The following CREB5 variants were observed in gnomAD, a reference collection of about 807,000 sequenced individuals.
The protein encoded by CREB5 is cAMP responsive element binding protein 5, also known as cyclic AMP-responsive element-binding protein 5.
Under a neutral mutation model 57.1 loss-of-function variants are expected in CREB5, and 19 were observed. That is an observed-to-expected ratio of 0.33 (90% CI 0.23 to 0.49). The LOEUF is 0.49. CREB5 is among the 20% of genes least tolerant of loss of function. CREB5 has a pLI of 0.99. For missense variants in CREB5, 579 were observed against 671.6 expected (o/e 0.86, Z 1.52); for synonymous variants, 238 against 238.3 (o/e 1.00, Z 0.01).
intron 1 of CREB5, among the ~76,000 whole-genome samples, chr7:28,319,463 G>A (rs547403797): frequency 6.6e-6 from 1 of 152,182 alleles, no homozygotes; most frequent in African/African-American, 2.4e-5. Context: ...AAGATTCCTA[G>A]TGGAAGTATT....
chr7:28,445,828 G>A (rs375444165), intron 1 of CREB5, among the ~76,000 whole-genome samples: 1 of 152,162 alleles, frequency 6.6e-6, no homozygotes, highest in African/African-American at 2.4e-5. Flanking sequence ...TGGGATTACA[G>A]GCGTGAGCCA....
chr7:28,759,085 T>C (rs1805502640), intron 7 of CREB5, among the ~76,000 whole-genome samples: 1 of 152,178 alleles, frequency 6.6e-6, no homozygotes, highest in East Asian at 1.9e-4. Context: ...ATTCAGGCAA[T>C]GGATACATGT....
chr7:28,348,466 G>A (rs188609824), intron 1 of CREB5, among the ~76,000 whole-genome samples: 4 of 151,516 alleles, frequency 2.6e-5, no homozygotes, highest in African/African-American at 9.8e-5. Flanking sequence ...TGGTAGTGGT[G>A]AGAATTAGAG....
At chr7:28,451,129 G>A (rs556719887) in intron 1 of CREB5, among the ~76,000 whole-genome samples, 1 of 152,324 alleles carries the variant, frequency 6.6e-6, no homozygotes, top group East Asian at 1.9e-4. Context: ...TGTCTATGGA[G>A]TGGGTGTGAG....
In CREB5 at chr7:28,686,496, C is replaced by G. The variant is rs567107974; in HGVS notation, c.465-32257C>G. On this transcript the variant is annotated intron_variant, in intron 5 of 10. Transcript: ENST00000357727. ...AGGAAAAAAGAAAAAAAAAAAAAAG[C>G]AGAGCAAACCAAAGCAACCAGAGCA... Among the ~76,000 whole-genome samples the G allele has an allele frequency of 6.2e-5, 9 of 146,102 alleles. 1 individual carries two copies. The South Asian group carries it at 2.0e-3, about 32-fold the overall frequency.
chr7:28,639,829 G>A (rs866984443), intron 5 of CREB5, among the ~76,000 whole-genome samples: 9 of 152,298 alleles, frequency 5.9e-5, no homozygotes, highest in Middle Eastern at 3.4e-3. Context: ...CAGCAGTGTT[G>A]TAGAGTGAAA....
At chr7:28,357,834 C>A (rs1786377194) in intron 1 of CREB5, among the ~76,000 whole-genome samples, 1 of 152,040 alleles carries the variant, frequency 6.6e-6, no homozygotes, top group Admixed American at 6.5e-5. Flanking sequence ...TTAAGGAATT[C>A]TTGGAAGTGG....
intron 7 of CREB5, among the ~76,000 whole-genome samples, chr7:28,793,355 ATC>A (rs1266194744): frequency 1.3e-5 from 2 of 152,226 alleles, no homozygotes; most frequent in Non-Finnish European, 2.9e-5. Context: ...AACTTACCCT[ATC>A]ATTAGAAAAA....
chr7:28,617,450 T>C (rs1242748099), intron 5 of CREB5, among the ~76,000 whole-genome samples: 1 of 152,212 alleles, frequency 6.6e-6, no homozygotes, highest in East Asian at 1.9e-4. Context: ...GTGGGTGTGT[T>C]CATTATTAAC....
intron 1 of CREB5, among the ~76,000 whole-genome samples, chr7:28,344,079 T>G (rs1785989448): frequency 6.6e-6 from 1 of 152,066 alleles, no homozygotes; most frequent in Non-Finnish European, 1.5e-5. Context: ...GTTGAGTTCA[T>G]TATATGTTCT....
intron 1 of CREB5, among the ~76,000 whole-genome samples, chr7:28,404,189 A>G (rs1787531323): frequency 6.6e-6 from 1 of 152,174 alleles, no homozygotes; most frequent in Admixed American, 6.5e-5. Context: ...AAAGAAAAAG[A>G]ACTATGGGCC....
chr7:28,321,401 G>T (rs1369717813), intron 1 of CREB5, among the ~76,000 whole-genome samples: 4 of 152,058 alleles, frequency 2.6e-5, no homozygotes, highest in African/African-American at 9.7e-5. Context: ...CAAAAATCAG[G>T]GGGAAAAAAC....
In CREB5 at chr7:28,449,298, A is replaced by G. The variant is rs1262898590; in HGVS notation, c.3+36381A>G. 3.3e-5 allele frequency among the ~76,000 whole-genome samples: 5 copies of G among 152,240 alleles called. No individual in the cohort carries two copies. The East Asian group carries it at 7.7e-4, about 23-fold the overall frequency. On this transcript the variant is annotated intron_variant, in intron 1 of 10. Coordinates refer to ENST00000357727, the MANE Select transcript of CREB5 (RefSeq NM_182898.4). ...TTCTTTATTTGTTAGCTGTTGTAACATCTCTTAAGTCTCTGCCTTGAAAGA... is the reference window on the plus strand; with the variant it reads ...TTCTTTATTTGTTAGCTGTTGTAACGTCTCTTAAGTCTCTGCCTTGAAAGA...
chr7:28,343,901 G>A (rs906227858), intron 1 of CREB5, among the ~76,000 whole-genome samples: 3 of 152,170 alleles, frequency 2.0e-5, no homozygotes, highest in Non-Finnish European at 4.4e-5. Flanking sequence ...CATTCCAAGT[G>A]GAGTAAAGTG....
At chr7:28,707,495 C>T (rs988171937) in intron 5 of CREB5, among the ~76,000 whole-genome samples, 1 of 152,122 alleles carries the variant, frequency 6.6e-6, no homozygotes, top group Non-Finnish European at 1.5e-5. Context: ...CACAAGGCTA[C>T]CTTATTGGAT....
chr7:28,387,892 G>A (rs1017904621), intron 1 of CREB5, among the ~76,000 whole-genome samples: 3 of 152,030 alleles, frequency 2.0e-5, no homozygotes, highest in Non-Finnish European at 4.4e-5. Context: ...TTTCATATTC[G>A]TATTATTTCA....
In CREB5 at chr7:28,809,236, C is replaced by G; in HGVS notation, c.1076C>G (p.Pro359Arg). The change falls in exon 9 of 11, where the codon CCC becomes CGC. Residue 359 changes from proline to arginine, a missense_variant. This residue lies in a region of CREB5 where 459 missense variants were observed against 515.7 expected (regional missense o/e 0.89). Transcript: ENST00000357727. ...CAGCCAACCCAGACAATACAGCCAC[C>G]CCAGCCCACAGGGGGGCGCCGGCGA... ...QMQPTQTIQPPQPTGGRRRRV... is the reference protein window; with the variant it reads ...QMQPTQTIQPRQPTGGRRRRV... 1 of 1,614,102 alleles carries G rather than the reference C, an allele frequency of 6.2e-7. No homozygotes were observed. Among genetic ancestry groups the G allele is most frequent in the Non-Finnish European group, 8.5e-7 (1 of 1,179,992 alleles).
intron 9 of CREB5, among the ~76,000 whole-genome samples, chr7:28,816,579 A>T (rs372105339): frequency 2.5e-3 from 101 of 41,040 alleles, no homozygotes; most frequent in African/African-American, 0.017. Context: ...GTTTTATTTT[A>T]TTATTTTTGT....
chr7:28,802,438 G>GTGTT (rs1379230130), intron 7 of CREB5, among the ~76,000 whole-genome samples: 4 of 152,090 alleles, frequency 2.6e-5, no homozygotes, highest in African/African-American at 9.7e-5. Context: ...ATATTGTACA[G>GTGTT]TGTTAGAGCA....
Sources: allele counts gnomAD v4.1 joint callset (sites outside exome capture counted in the v4.1 genomes callset), GRCh38; gene constraint gnomAD v4.1.1; regional missense constraint gnomAD v4.1.1; transcripts MANE v1.5; gene names NCBI Gene and HGNC (gene_info 2026-07-23, HGNC 2026-07-21).